The following PKLR variants were observed in gnomAD, a reference collection of about 807,000 sequenced individuals.
The protein encoded by PKLR is pyruvate kinase L/R.
PKLR carries 38 observed loss-of-function variants against 53.6 expected under a neutral mutation model. The observed-to-expected ratio is 0.71, with a 90% CI of 0.55 to 0.93. PKLR has a LOEUF of 0.93. Among genes scored for constraint, PKLR ranks in the 40% least tolerant of loss-of-function variants. The pLI, the probability that PKLR is intolerant of heterozygous loss-of-function variation, is 0.00. For missense variants in PKLR, 702 were observed against 787.3 expected, an observed-to-expected ratio of 0.89 and a Z score of 1.30; for synonymous variants, 328 against 316.2, an observed-to-expected ratio of 1.04 and a Z score of -0.39.
chr1:155,299,491 C>CTTTTTTTTTTTTTTTTTTTT (rs35869567), intron 2 of PKLR, among the ~76,000 whole-genome samples: 3 of 42,760 alleles, frequency 7.0e-5, no homozygotes, highest in African/African-American at 2.0e-4. Context: ...GCCCAGCCCA[C>CTTTTTTTTTTTTTTTTTTTT]TTTTTTTTTT....
chr1:155,295,942 C>T lies in PKLR; in HGVS notation c.284-186G>A, dbSNP rs1339777398. Among the ~76,000 whole-genome samples the T allele has an allele frequency of 2.0e-5, 3 of 152,188 alleles. No homozygotes were observed. Among genetic ancestry groups the T allele is most frequent in the Non-Finnish European group, 4.4e-5 (3 of 68,032 alleles). On this transcript the variant is annotated intron_variant, in intron 2 of 10. Coordinates refer to ENST00000342741, the MANE Select transcript of PKLR (RefSeq NM_000298.6). The surrounding 1 kb of genome is among the most constrained non-coding windows in gnomAD (Gnocchi z 4.3). ...TCCCTCTCAAGCCAACATCCATCCC[C>T]TTGGGGAGGCAGCAGTGTGGAAATC...
At chr1:155,301,778 T>C (rs1648009242), upstream of PKLR, among the ~76,000 whole-genome samples, 1 of 152,098 alleles carries the variant, frequency 6.6e-6, no homozygotes, top group South Asian at 2.1e-4. Flanking sequence ...TGTGATAATA[T>C]GGTGGGGGGA....
chr1:155,301,676 T>G (rs980533582), upstream of PKLR, among the ~76,000 whole-genome samples: 7 of 152,116 alleles, frequency 4.6e-5, no homozygotes, highest in African/African-American at 7.2e-5. Flanking sequence ...GGCCCCATTT[T>G]CTTTGTACTT....
intron 9 of PKLR, among the ~76,000 whole-genome samples, 158 bp from the exon 10 acceptor site, chr1:155,292,095 G>T (rs1281614010): frequency 6.6e-6 from 1 of 152,118 alleles, no homozygotes; most frequent in Non-Finnish European, 1.5e-5. Context: ...TGTAAAATGA[G>T]TGTAAGAATG....
In PKLR at chr1:155,290,223, GCCT is replaced by G. The variant is rs556763356; in HGVS notation, c.*346_*348del. The G allele has an allele frequency of 1.3e-3, 436 of 334,680 alleles. 8 individuals are homozygous for G. In the South Asian group the frequency reaches 0.014, roughly 10 times the overall value. 20.7% of individuals were successfully genotyped at this position (334,680 alleles called of 1,614,324 possible). On this transcript the variant is annotated 3_prime_UTR_variant, in exon 11 of 11. Coordinates refer to ENST00000342741, the MANE Select transcript of PKLR (RefSeq NM_000298.6). ...TCTCCCCCACCCCAAGGGATGGGAT[GCCT>G]GGGGTTATGGAATTAACCAGCCAAA...
upstream of PKLR, chr1:155,301,526 A>T: frequency 8.5e-7 from 1 of 1,182,346 alleles, no homozygotes. Context: ...GTCCCCACAG[A>T]ATCCCTCCCC....
At chr1:155,298,731 T>G (rs1427316293) in intron 2 of PKLR, among the ~76,000 whole-genome samples, 3 of 151,842 alleles carry the variant, frequency 2.0e-5, no homozygotes, top group Non-Finnish European at 4.4e-5. Flanking sequence ...AATCTCTGTC[T>G]CCCGGGTTCA....
rs1674545421 is a variant in PKLR at position 155,291,609 on chromosome 1, G to T, written c.1618+147C>A. On this transcript the variant is annotated intron_variant, in intron 10 of 10. Coordinates refer to ENST00000342741, the MANE Select transcript of PKLR (RefSeq NM_000298.6). The stretch of plus-strand genomic sequence containing the variant: ...TGGAAGAGGTATTTGTGATATGCCA[G>T]ACTGATATCTCAGTCTTAGTGACTC... The T allele has an allele frequency of 3.7e-5, 28 of 748,854 alleles. No individual in the cohort carries two copies. In the South Asian group the frequency reaches 3.9e-4, roughly 10 times the overall value. 46.4% of individuals were successfully genotyped at this position (748,854 alleles called of 1,614,324 possible). A position where few individuals can be genotyped will look rare whatever the true frequency, so the allele number is the denominator to read the frequency against.
At chr1:155,291,379 CCAGCTACT>C (rs1674537305) in intron 10 of PKLR, among the ~76,000 whole-genome samples, 1 of 151,890 alleles carries the variant, frequency 6.6e-6, no homozygotes, top group Admixed American at 6.6e-5. Flanking sequence ...GCCTGTAGTC[CCAGCTACT>C]CAGGAGGCTG....
intron 2 of PKLR, among the ~76,000 whole-genome samples, chr1:155,299,167 C>CTTTCTTTCTT (rs1557963718): frequency 1.4e-5 from 2 of 138,626 alleles, no homozygotes; most frequent in African/African-American, 5.3e-5. Context: ...CTTTCTCTCT[C>CTTTCTTTCTT]TCTTTCTTTC....
intron 1 of PKLR, chr1:155,300,834 T>C: frequency 6.2e-7 from 1 of 1,605,686 alleles, no homozygotes; most frequent in South Asian, 1.1e-5. Flanking sequence ...GAGGTCCCTG[T>C]AGCTTGACCC....
chr1:155,293,179 G>T lies in PKLR; in HGVS notation c.1434C>A (p.Gly478=), dbSNP rs774262110. The T allele has an allele frequency of 1.2e-6, 2 of 1,614,002 alleles. No homozygotes were observed. Among genetic ancestry groups the T allele is most frequent in the Non-Finnish European group, 1.7e-6 (2 of 1,179,956 alleles). Reference sequence around the variant, plus strand: ...GACATTCCCAATATCCCCCTCACCGGCCAGTTGTGGTCAGCACAATGATGG... The same window carrying T: ...GACATTCCCAATATCCCCCTCACCGTCCAGTTGTGGTCAGCACAATGATGG... ...AAAIIVLTTT[G]RSAQLLSRYR... Residue 478 remains glycine (G), a splice_region_variant and synonymous_variant, in exon 9 of 11, where the codon GGC becomes GGA. Transcript: ENST00000342741. The surrounding 1 kb of genome is among the most constrained non-coding windows in gnomAD (Gnocchi z 4.2).
chr1:155,294,591 A>G lies in PKLR; in HGVS notation c.856T>C (p.Ser286Pro). The change falls in exon 6 of 11, where the codon TCC becomes CCC. Residue 286 changes from serine to proline, a missense_variant. This residue lies in a region of PKLR where 519 missense variants were observed against 537.1 expected (regional missense o/e 0.97). Transcript: ENST00000342741. Reference protein sequence around the residue: ...VEHGVDIVFASFVRKASDVAA... With the variant: ...VEHGVDIVFAPFVRKASDVAA... Reference sequence around the variant, plus strand: ...ACGTCGCTGGCTTTCCGCACAAAGGAGGCAAAGACGATGTCCACCCCATGC... The same window carrying G: ...ACGTCGCTGGCTTTCCGCACAAAGGGGGCAAAGACGATGTCCACCCCATGC... The G allele has an allele frequency of 1.2e-6, 2 of 1,614,172 alleles. No homozygotes were observed. The highest frequency in any genetic ancestry group is 1.7e-6 in the Non-Finnish European group (2 of 1,180,024).
At chr1:155,305,982 G>A (rs1230532917), upstream of PKLR, among the ~76,000 whole-genome samples, 2 of 152,072 alleles carry the variant, frequency 1.3e-5, no homozygotes, top group Non-Finnish European at 2.9e-5. Context: ...AGAACCAGTT[G>A]GGAGGATAGG....
In PKLR at chr1:155,295,143, G is replaced by T; in HGVS notation, c.667C>A (p.Leu223Ile). ...VGGRIYIDDG[L>I]ISLVVQKIGP... ...ATTTTCTGGACCACTAGGGAGATGA[G>T]CCCGTCGTCAATGTAGATGCGGCCC... Residue 223 changes from leucine to isoleucine, a missense_variant, in exon 5 of 11, where the codon CTC becomes ATC. This residue lies in a region of PKLR where 519 missense variants were observed against 537.1 expected (regional missense o/e 0.97). Transcript: ENST00000342741. The surrounding 1 kb of genome is among the most constrained non-coding windows in gnomAD (Gnocchi z 4.3). 1.2e-6 allele frequency: 2 copies of T among 1,614,122 alleles called. No individual in the cohort carries two copies. Among genetic ancestry groups the T allele is most frequent in the Non-Finnish European group, 8.5e-7 (1 of 1,179,982 alleles).
upstream of PKLR, among the ~76,000 whole-genome samples, chr1:155,302,442 G>C (rs557509710): frequency 6.6e-6 from 1 of 151,556 alleles, no homozygotes; most frequent in Non-Finnish European, 1.5e-5. Flanking sequence ...TCACCATGTT[G>C]GTCAGGCTGG....
intron 9 of PKLR, among the ~76,000 whole-genome samples, chr1:155,292,241 G>GAAAAAAAAAAA (rs57484820): frequency 3.6e-5 from 5 of 138,096 alleles, no homozygotes; most frequent in Admixed American, 7.2e-5. Flanking sequence ...TCTGCATTAA[G>GAAAAAAAAAAA]AAAAAAAAAA....
Position 155,300,141 on chromosome 1 carries a change from G to A in PKLR, c.240C>T (p.Ser80=), listed in dbSNP as rs185441545. 19 of 1,613,978 alleles carry A rather than the reference G, an allele frequency of 1.2e-5. No homozygotes were observed. The highest frequency in any genetic ancestry group is 6.7e-5 in the East Asian group (3 of 44,888). Residue 80 remains serine, a synonymous_variant, in exon 2 of 11, where the codon TCC becomes TCT. Transcript: ENST00000342741. ...TGGTACTGCGAGCAGCCACGGGCTC[G>A]GAGTCAATGTCCAGTAGGCAGAGGT... ...LEHLCLLDID[S]EPVAARSTSI...
chr1:155,306,438 A>T (rs961606203), upstream of PKLR, among the ~76,000 whole-genome samples: 2 of 152,222 alleles, frequency 1.3e-5, no homozygotes, highest in East Asian at 3.9e-4. This position sits in a 1 kb window ranked among gnomAD's most constrained non-coding sequence, Gnocchi z 4.2. Flanking sequence ...CAGTGTGGGG[A>T]TGGAGACAGG....
Sources: allele counts gnomAD v4.1 joint callset (sites outside exome capture counted in the v4.1 genomes callset), GRCh38; gene constraint gnomAD v4.1.1; regional missense constraint gnomAD v4.1.1; non-coding constraint Gnocchi (gnomAD v3.1); transcripts MANE v1.5; gene names NCBI Gene and HGNC (gene_info 2026-07-23, HGNC 2026-07-21).